Variants in ATP6V0A4 observed in about 807,000 individuals in gnomAD.
ATP6V0A4 encodes ATPase H+ transporting V0 subunit a4.
ATP6V0A4 carries 86 observed loss-of-function variants against 107.3 expected under a neutral mutation model. The observed-to-expected ratio is 0.80, with a 90% CI of 0.67 to 0.96. The LOEUF (loss-of-function observed/expected upper bound fraction) is 0.96. Among genes scored for constraint, ATP6V0A4 ranks in the 40% least tolerant of loss-of-function variants. The pLI is 0.00. For missense variants in ATP6V0A4, 908 were observed against 1,045.6 expected, an observed-to-expected ratio of 0.87 and a Z score of 1.81; for synonymous variants, 353 against 381.4, an observed-to-expected ratio of 0.93 and a Z score of 0.87.
intron 17 of ATP6V0A4, among the ~76,000 whole-genome samples, chr7:138,731,901 AAAATAAATAAATAAAT>A (rs59314409): frequency 1.2e-4 from 18 of 146,708 alleles, no homozygotes; most frequent in African/African-American, 3.0e-4. Context: ...TCCAAAAATA[AAAATAAATAAATAAAT>A]AAATAAATAA....
intron 21 of ATP6V0A4, among the ~76,000 whole-genome samples, chr7:138,709,134 G>A (rs1019484524): frequency 1.7e-4 from 26 of 150,682 alleles, no homozygotes; most frequent in African/African-American, 5.8e-4. Flanking sequence ...GCCTGAACCC[G>A]GTAGGTGGAG....
chr7:138,759,743 G>C lies in ATP6V0A4; in HGVS notation c.639+9C>G. The C allele has an allele frequency of 3.1e-6, 5 of 1,614,120 alleles. No individual in the cohort carries two copies. The highest frequency in any genetic ancestry group is 4.2e-6 in the Non-Finnish European group (5 of 1,180,034). ...CTCAGAGAAAGTTTTTGCAGCCCAAGGTTCCCACCGTCACAGGATCCTCCA... is the reference window on the plus strand; with the variant it reads ...CTCAGAGAAAGTTTTTGCAGCCCAACGTTCCCACCGTCACAGGATCCTCCA... On this transcript the variant is annotated intron_variant, in intron 8 of 21. Transcript: ENST00000310018.
At chr7:138,726,044 C>A (rs905437248) in intron 18 of ATP6V0A4, among the ~76,000 whole-genome samples, 1 of 151,930 alleles carries the variant, frequency 6.6e-6, no homozygotes, top group Non-Finnish European at 1.5e-5. Flanking sequence ...GGCTGGAGTG[C>A]AGTGGTGCAA....
intron 10 of ATP6V0A4, among the ~76,000 whole-genome samples, chr7:138,755,194 T>C (rs1483652532): frequency 2.0e-5 from 3 of 152,224 alleles, no homozygotes; most frequent in Admixed American, 2.0e-4. Flanking sequence ...GTGTGTTGAG[T>C]GACCCTGGAT....
At chr7:138,754,274 C>A (rs566627061) in intron 10 of ATP6V0A4, among the ~76,000 whole-genome samples, 1 of 151,864 alleles carries the variant, frequency 6.6e-6, no homozygotes, top group Non-Finnish European at 1.5e-5. Flanking sequence ...CATGGAGAAA[C>A]CCCATCTCTA....
intron 1 of ATP6V0A4, among the ~76,000 whole-genome samples, chr7:138,791,074 A>G (rs1808389128): frequency 6.6e-6 from 1 of 152,212 alleles, no homozygotes; most frequent in Non-Finnish European, 1.5e-5. Context: ...GTTATCAGAC[A>G]CGGATTTTAA....
intron 2 of ATP6V0A4, among the ~76,000 whole-genome samples, chr7:138,784,491 T>C (rs1286115429): frequency 1.3e-5 from 2 of 151,436 alleles, no homozygotes; most frequent in African/African-American, 4.9e-5. Flanking sequence ...GCTAGTTTTT[T>C]GTATTTTTAG....
chr7:138,774,144 G>A (rs1181940982), intron 2 of ATP6V0A4: 1 of 152,222 alleles, frequency 6.6e-6, no homozygotes, highest in Admixed American at 6.5e-5. Context: ...GTTCCCAGCA[G>A]GAAGCATTCA....
intron 2 of ATP6V0A4, among the ~76,000 whole-genome samples, chr7:138,784,982 T>C (rs1051309104): frequency 5.9e-5 from 9 of 152,324 alleles, no homozygotes; most frequent in Middle Eastern, 3.4e-3. Flanking sequence ...TGTGTTCTCA[T>C]ATCCTTGTAC....
Position 138,732,983 on chromosome 7 carries a change from A to G in ATP6V0A4, c.1802T>C (p.Phe601Ser). ...GGCGTGCTGAGATACATGGACGTCA[A>G]AGCAGCACCATTTGAAAATGATCAT... ...VFMIIFKWCCFDVHVSQHAPS... is the reference protein window; with the variant it reads ...VFMIIFKWCCSDVHVSQHAPS... The change falls in exon 17 of 22, where the codon TTT becomes TCT. Residue 601 changes from phenylalanine to serine, a missense_variant. Transcript: ENST00000310018. 1 of 1,614,034 alleles carries G rather than the reference A, an allele frequency of 6.2e-7. No individual in the cohort carries two copies. The highest frequency in any genetic ancestry group is 1.1e-5 in the South Asian group (1 of 91,076).
chr7:138,739,708 C>A, intron 14 of ATP6V0A4, 75 bp from the exon 15 acceptor site: 2 of 1,578,254 alleles, frequency 1.3e-6, no homozygotes, highest in Admixed American at 3.6e-5. Flanking sequence ...CCACCAGTCA[C>A]GAACTTGCCC....
At chr7:138,735,411 C>T (rs1805264019) in intron 15 of ATP6V0A4, among the ~76,000 whole-genome samples, 2 of 152,284 alleles carry the variant, frequency 1.3e-5, no homozygotes, top group East Asian at 3.9e-4. Context: ...TGACTTCCTC[C>T]TCCAAACTTC....
intron 21 of ATP6V0A4, 171 bp from the exon 22 acceptor site, chr7:138,706,888 GATTT>G: frequency 2.2e-6 from 1 of 449,118 alleles, no homozygotes; most frequent in Non-Finnish European, 2.8e-6. Flanking sequence ...GAATCCTGAG[GATTT>G]TTTTTTTTTT....
intron 20 of ATP6V0A4, among the ~76,000 whole-genome samples, chr7:138,712,810 C>T (rs1322051602): frequency 1.3e-5 from 2 of 152,066 alleles, no homozygotes; most frequent in Non-Finnish European, 1.5e-5. Flanking sequence ...AATACCAAAA[C>T]TCCTCCTCCT....
chr7:138,708,682 G>A (rs1803576905), intron 21 of ATP6V0A4, among the ~76,000 whole-genome samples: 1 of 152,174 alleles, frequency 6.6e-6, no homozygotes, highest in Non-Finnish European at 1.5e-5. Flanking sequence ...AGGGCTCCCG[G>A]TGAGCGTCTC....
At chr7:138,765,508 T>TC (rs1563010080) in intron 5 of ATP6V0A4, among the ~76,000 whole-genome samples, 1 of 152,002 alleles carries the variant, frequency 6.6e-6, no homozygotes, top group Non-Finnish European at 1.5e-5. Flanking sequence ...GTTTTTTCCC[T>TC]CCCCCCTGAA....
intron 2 of ATP6V0A4, among the ~76,000 whole-genome samples, chr7:138,780,511 C>T (rs1414921436): frequency 6.6e-6 from 1 of 152,172 alleles, no homozygotes; most frequent in Non-Finnish European, 1.5e-5. Context: ...GGAATAGTGC[C>T]ATCTTGAGGG....
chr7:138,769,974 C>T (rs541051664), intron 3 of ATP6V0A4, among the ~76,000 whole-genome samples: 1 of 152,152 alleles, frequency 6.6e-6, no homozygotes, highest in African/African-American at 2.4e-5. Context: ...TGGCTTGAGC[C>T]TGGGAGGTCA....
intron 21 of ATP6V0A4, among the ~76,000 whole-genome samples, chr7:138,707,306 A>ATCTT (rs1803477831): frequency 1.1e-5 from 1 of 88,216 alleles, no homozygotes; most frequent in Non-Finnish European, 2.0e-5. Context: ...AAATATATTT[A>ATCTT]TATTTATTTA....
Sources: allele counts gnomAD v4.1 joint callset (sites outside exome capture counted in the v4.1 genomes callset), GRCh38; gene constraint gnomAD v4.1.1; transcripts MANE v1.5; gene names NCBI Gene and HGNC (gene_info 2026-07-23, HGNC 2026-07-21).